The following MICAL2 variants were observed in gnomAD, a reference collection of about 807,000 sequenced individuals.
The protein encoded by MICAL2 is microtubule associated monooxygenase, calponin and LIM domain containing 2, also known as [F-actin]-monooxygenase MICAL2.
Under a neutral mutation model 127.3 loss-of-function variants are expected in MICAL2, and 77 were observed. The observed-to-expected ratio is 0.60, with a 90% CI of 0.50 to 0.73. The LOEUF (loss-of-function observed/expected upper bound fraction) is 0.73, where lower values mean the gene tolerates loss of function less well. Among genes scored for constraint, MICAL2 ranks in the 30% least tolerant of loss-of-function variants. The pLI is 0.00. For synonymous variants in MICAL2, 570 were observed against 551.1 expected, an observed-to-expected ratio of 1.03 and a Z score of -0.48; for missense variants, 1,351 against 1,434.4, an observed-to-expected ratio of 0.94 and a Z score of 0.94.
At chr11:12,170,591 G>A (rs2133871930) in intron 3 of MICAL2, among the ~76,000 whole-genome samples, 1 of 152,262 alleles carries the variant, frequency 6.6e-6, no homozygotes, top group Middle Eastern at 3.4e-3. Flanking sequence ...TAGGGCCCTG[G>A]CCCATGGAGG....
chr11:12,321,807 A>G (rs1283522192), intron 30 of MICAL2, among the ~76,000 whole-genome samples: 1 of 152,132 alleles, frequency 6.6e-6, no homozygotes, highest in African/African-American at 2.4e-5. Context: ...CTAAGACCAC[A>G]TGATGCTGTT....
chr11:12,241,593 C>T (rs960772230), intron 18 of MICAL2, among the ~76,000 whole-genome samples: 16 of 152,196 alleles, frequency 1.1e-4, no homozygotes, highest in Non-Finnish European at 2.2e-4. Context: ...AAGGCCTTGC[C>T]GGTGCCAGAG....
At chr11:12,240,117 G>A (rs1380171896) in intron 17 of MICAL2, among the ~76,000 whole-genome samples, 1 of 152,206 alleles carries the variant, frequency 6.6e-6, no homozygotes, top group Non-Finnish European at 1.5e-5. Context: ...AGTATTGAAG[G>A]CCAACCTCCC....
intron 2 of MICAL2, among the ~76,000 whole-genome samples, chr11:12,152,312 A>AG (rs1853681023): frequency 6.6e-6 from 1 of 150,432 alleles, no homozygotes; most frequent in African/African-American, 2.4e-5. Context: ...AAAAAAAAAA[A>AG]AAAAAAAAAA....
At chr11:12,122,816 C>A (rs1308265971) in intron 1 of MICAL2, among the ~76,000 whole-genome samples, 3 of 152,168 alleles carry the variant, frequency 2.0e-5, no homozygotes, top group Non-Finnish European at 4.4e-5. Flanking sequence ...TTCTCATAAA[C>A]CTTGGAACTG....
intron 32 of MICAL2, among the ~76,000 whole-genome samples, chr11:12,340,711 G>T (rs992794215): frequency 6.6e-6 from 1 of 152,130 alleles, no homozygotes; most frequent in Non-Finnish European, 1.5e-5. Flanking sequence ...CAGTGAAAAT[G>T]AATCAGTCAC....
At chr11:12,256,053 C>G (rs1019742377) in intron 23 of MICAL2, 2 of 317,846 alleles carry the variant, frequency 6.3e-6, no homozygotes, top group East Asian at 1.0e-4. Context: ...TTGAATGGCC[C>G]TCACTTTCAG....
chr11:12,353,293 G>T (rs1451614105), intron 33 of MICAL2, among the ~76,000 whole-genome samples: 1 of 152,170 alleles, frequency 6.6e-6, no homozygotes, highest in East Asian at 1.9e-4. Context: ...AGTCTCTGTT[G>T]CAGTGAACAC....
intron 20 of MICAL2, among the ~76,000 whole-genome samples, chr11:12,243,632 C>G (rs752201883): frequency 6.6e-6 from 1 of 152,240 alleles, no homozygotes; most frequent in Non-Finnish European, 1.5e-5. Flanking sequence ...CCTAAAGCAG[C>G]CCAGGGTTCT....
chr11:12,346,830 T>C (rs573440247), intron 32 of MICAL2, among the ~76,000 whole-genome samples: 1 of 152,328 alleles, frequency 6.6e-6, no homozygotes, highest in East Asian at 1.9e-4. Flanking sequence ...GTTTATAAAT[T>C]TGGTTGCTCA....
intron 3 of MICAL2, among the ~76,000 whole-genome samples, chr11:12,167,623 A>T (rs1855672219): frequency 6.6e-6 from 1 of 152,214 alleles, no homozygotes; most frequent in South Asian, 2.1e-4. Flanking sequence ...AGTTCCAGTC[A>T]TAACCGATAA....
At chr11:12,131,360 G>A (rs904933899) in intron 1 of MICAL2, among the ~76,000 whole-genome samples, 2 of 151,638 alleles carry the variant, frequency 1.3e-5, no homozygotes, top group South Asian at 2.1e-4. Flanking sequence ...AATGGCTCAG[G>A]CTGCCCATCC....
chr11:12,335,012 C>T (rs553240888), intron 32 of MICAL2, among the ~76,000 whole-genome samples: 1,698 of 152,022 alleles, frequency 0.011, 13 homozygotes, highest in South Asian at 0.024. Context: ...GTTCTAGATC[C>T]CTGAGGAATC....
intron 3 of MICAL2, among the ~76,000 whole-genome samples, chr11:12,195,465 G>C (rs550460698): frequency 6.6e-6 from 1 of 152,250 alleles, no homozygotes; most frequent in Non-Finnish European, 1.5e-5. Context: ...TCTAATCATA[G>C]AATCTAGGTG....
At chr11:12,310,828 G>A (rs562588333) in intron 29 of MICAL2, among the ~76,000 whole-genome samples, 2 of 152,056 alleles carry the variant, frequency 1.3e-5, no homozygotes, top group African/African-American at 4.8e-5. Context: ...CATGTTTTGG[G>A]TGTCTTCTTC....
intron 25 of MICAL2, among the ~76,000 whole-genome samples, chr11:12,258,942 A>G (rs1476859685): frequency 6.6e-6 from 1 of 152,072 alleles, no homozygotes; most frequent in Non-Finnish European, 1.5e-5. Context: ...ACCCTTCTAC[A>G]TTTTCCAAGT....
At chr11:12,149,704 G>C (rs946370239) in intron 2 of MICAL2, among the ~76,000 whole-genome samples, 1 of 152,204 alleles carries the variant, frequency 6.6e-6, no homozygotes, top group African/African-American at 2.4e-5. Flanking sequence ...GCAGGAGAAG[G>C]AACAGGTGGG....
chr11:12,228,273 T>TTGCACC (rs1857735360), intron 15 of MICAL2, among the ~76,000 whole-genome samples: 1 of 152,072 alleles, frequency 6.6e-6, no homozygotes, highest in Admixed American at 6.5e-5. Context: ...GAGGTTGCAG[T>TTGCACC]GAGCCGAGAT....
intron 15 of MICAL2, among the ~76,000 whole-genome samples, chr11:12,234,086 C>T (rs1590524070): frequency 6.6e-6 from 1 of 152,112 alleles, no homozygotes; most frequent in African/African-American, 2.4e-5. Flanking sequence ...CCGTCCATGT[C>T]CTTTATTCCC....
Sources: gnomAD v4.1 joint callset for allele counts (sites outside exome capture counted in the v4.1 genomes callset) on GRCh38, gnomAD v4.1.1 for gene constraint, MANE v1.5 for transcripts, NCBI Gene and HGNC (gene_info 2026-07-23, HGNC 2026-07-21) for gene names.